Variants in ZDHHC17 observed in about 807,000 individuals in gnomAD.
ZDHHC17 encodes zDHHC palmitoyltransferase 17.
Under a neutral mutation model 90.3 loss-of-function variants are expected in ZDHHC17, and 40 were observed. The ratio of observed to expected loss-of-function variants is 0.44; its 90% CI spans 0.34 to 0.58. The LOEUF is 0.58. Ranked by LOEUF, ZDHHC17 falls within the 20% of genes least tolerant of loss-of-function variation. ZDHHC17 has a pLI of 0.01. For synonymous variants in ZDHHC17, 235 were observed against 252.4 expected, an observed-to-expected ratio of 0.93 and a Z score of 0.65; for missense variants, 614 against 780.8, an observed-to-expected ratio of 0.79 and a Z score of 2.55.
At chr12:76,850,760 T>C (rs1177167968) in intron 16 of ZDHHC17, 87 bp from the exon 17 acceptor site, 1 of 1,505,142 alleles carries the variant, frequency 6.6e-7, no homozygotes, top group African/African-American at 1.4e-5. Flanking sequence ...TAGAAAAAAA[T>C]ATATTTAACA....
chr12:76,781,195 G>A lies in ZDHHC17; in HGVS notation c.94-16239G>A, dbSNP rs191797258. On this transcript the variant is annotated intron_variant, in intron 1 of 16. Coordinates refer to ENST00000426126, the MANE Select transcript of ZDHHC17 (RefSeq NM_015336.4). ...TATAGTGAAAGAGAACTCACACATT[G>A]CTAGTGAGAGCATAAATTGTTACTA... Among the ~76,000 whole-genome samples the A allele has an allele frequency of 3.5e-3, 527 of 150,732 alleles. 17 individuals are homozygous for A. The highest frequency in any genetic ancestry group is 0.032 in the Admixed American group (489 of 15,140).
At chr12:76,781,133 CAAAAAA>C (rs33935444) in intron 1 of ZDHHC17, among the ~76,000 whole-genome samples, 1 of 92,390 alleles carries the variant, frequency 1.1e-5, no homozygotes, top group Admixed American at 1.3e-4. Flanking sequence ...GACTCCGTCT[CAAAAAA>C]AAAAAAAAAA....
intron 3 of ZDHHC17, among the ~76,000 whole-genome samples, chr12:76,806,139 A>G (rs1159297834): frequency 6.6e-6 from 1 of 152,164 alleles, no homozygotes; most frequent in East Asian, 1.9e-4. Context: ...TCTCTCACTC[A>G]GGTTGGAGTG....
rs765982279 is a variant in ZDHHC17 at position 76,809,026 on chromosome 12, T to C, written c.321-17T>C. The C allele has an allele frequency of 1.3e-5, 18 of 1,433,150 alleles. No individual in the cohort carries two copies. In the East Asian group the frequency reaches 2.4e-4, roughly 19 times the overall value. 88.8% of individuals were successfully genotyped at this position (1,433,150 alleles called of 1,614,324 possible). Reference sequence around the variant, plus strand: ...AAAATGAAAGTTATTTAAATTATTATAAATTTTGTCTTATAGATACTATAT... The same window carrying C: ...AAAATGAAAGTTATTTAAATTATTACAAATTTTGTCTTATAGATACTATAT... On this transcript the variant is annotated splice_polypyrimidine_tract_variant and intron_variant, in intron 3 of 16. Transcript: ENST00000426126.
Position 76,764,180 on chromosome 12 carries a change from C to T in ZDHHC17, c.-57C>T. 4.3e-6 allele frequency: 6 copies of T among 1,406,616 alleles called. No individual in the cohort carries two copies. The South Asian group carries it at 4.3e-5, about 10-fold the overall frequency. The allele number at this position is 1,406,616 out of a possible 1,614,324, so 87.1% of individuals were successfully genotyped here. On this transcript the variant is annotated 5_prime_UTR_variant, in exon 1 of 17. Coordinates refer to ENST00000426126, the MANE Select transcript of ZDHHC17 (RefSeq NM_015336.4). ...GCCTCCGGCGGGGCTCGCGCTCGCC[C>T]CGCGCTCGCCCTCCGCCTCGCCCGA... is the stretch of plus-strand genomic sequence containing the variant.
At chr12:76,778,234 G>T (rs779297294) in intron 1 of ZDHHC17, among the ~76,000 whole-genome samples, 2 of 151,982 alleles carry the variant, frequency 1.3e-5, no homozygotes. Context: ...TTTTGAGATG[G>T]AGTCTCGCTC....
chr12:76,816,587 T>C (rs1953090162), intron 7 of ZDHHC17, among the ~76,000 whole-genome samples: 1 of 151,976 alleles, frequency 6.6e-6, no homozygotes, highest in Non-Finnish European at 1.5e-5. Flanking sequence ...TTCTGTGTTA[T>C]GTTTCTTAAA....
At chr12:76,846,532 C>A in intron 13 of ZDHHC17, 64 bp from the exon 14 acceptor site, 1 of 1,231,530 alleles carries the variant, frequency 8.1e-7, no homozygotes, top group Non-Finnish European at 1.2e-6. Flanking sequence ...GCATACCCCT[C>A]AAAGGTGCAT....
intron 12 of ZDHHC17, among the ~76,000 whole-genome samples, 185 bp downstream of exon 12, chr12:76,843,166 G>A (rs1371170943): frequency 1.3e-5 from 2 of 152,042 alleles, no homozygotes; most frequent in African/African-American, 4.8e-5. Context: ...TCGATGGTAG[G>A]CCTTGACTGT....
intron 5 of ZDHHC17, among the ~76,000 whole-genome samples, chr12:76,811,009 T>C (rs1401829663): frequency 6.6e-6 from 1 of 152,206 alleles, no homozygotes; most frequent in Non-Finnish European, 1.5e-5. Flanking sequence ...ATGTGGTCTT[T>C]CCAGCAGGAG....
intron 8 of ZDHHC17, among the ~76,000 whole-genome samples, chr12:76,824,366 T>A (rs1198148426): frequency 2.0e-5 from 3 of 152,046 alleles, no homozygotes; most frequent in African/African-American, 4.8e-5. Flanking sequence ...CTATGATGAT[T>A]GGGAGAGTGA....
chr12:76,830,046 A>G (rs1184131742), intron 10 of ZDHHC17, among the ~76,000 whole-genome samples: 1 of 143,744 alleles, frequency 7.0e-6, no homozygotes, highest in East Asian at 2.1e-4. Flanking sequence ...CTGTGTGCCA[A>G]TAAAGACAGC....
intron 3 of ZDHHC17, among the ~76,000 whole-genome samples, chr12:76,806,622 G>T (rs1341116031): frequency 6.6e-6 from 1 of 152,010 alleles, no homozygotes; most frequent in Admixed American, 6.6e-5. Context: ...TGATCCACCC[G>T]CCTCGGCTTC....
chr12:76,820,969 A>C, intron 7 of ZDHHC17: 1 of 771,666 alleles, frequency 1.3e-6, no homozygotes, highest in Non-Finnish European at 1.9e-6. Flanking sequence ...TTATTTTACC[A>C]GCTGAATAAA....
intron 8 of ZDHHC17, among the ~76,000 whole-genome samples, chr12:76,824,164 TG>T (rs1426989797): frequency 2.0e-5 from 3 of 152,194 alleles, no homozygotes; most frequent in African/African-American, 4.8e-5. Flanking sequence ...AAGTTACTTA[TG>T]GCATTATTAA....
intron 9 of ZDHHC17, 21 bp downstream of exon 9, chr12:76,827,071 T>C (rs751278954): frequency 1.3e-6 from 2 of 1,544,900 alleles, no homozygotes; most frequent in South Asian, 2.6e-5. Context: ...TGTTTTTAAC[T>C]ATATTTTAAA....
At position 76,846,097 on chromosome 12, in the gene ZDHHC17, A is replaced by G. The variant is rs190073423; in HGVS notation, c.1423+295A>G. ...GATGAAGGCGGTAATATTTGAAATG[A>G]TATTATGTGCAGAGGTAGAGAGGAA... is the stretch of plus-strand genomic sequence containing the variant. On this transcript the variant is annotated intron_variant, in intron 13 of 16. Transcript: ENST00000426126. Among the ~76,000 whole-genome samples, 8 of 152,136 alleles carry G rather than the reference A, an allele frequency of 5.3e-5. No individual in the cohort carries two copies. The East Asian group carries it at 1.3e-3, about 26-fold the overall frequency.
intron 1 of ZDHHC17, among the ~76,000 whole-genome samples, chr12:76,772,284 T>G (rs1592456311): frequency 6.6e-6 from 1 of 152,156 alleles, no homozygotes; most frequent in African/African-American, 2.4e-5. Flanking sequence ...TGTTTTTGAA[T>G]TTTTTGAACA....
In ZDHHC17 at chr12:76,851,571, T is replaced by C. The variant is rs1953568525; in HGVS notation, c.*586T>C. The C allele has an allele frequency of 6.5e-6, 1 of 152,808 alleles. No homozygotes were observed. Among genetic ancestry groups the C allele is most frequent in the South Asian group, 2.1e-4 (1 of 4,840 alleles). 9.5% of individuals were successfully genotyped at this position (152,808 alleles called of 1,614,324 possible). ...AATAAAATGTGCTAACAATGTTTTG[T>C]TTCTATCAGCTGTTGCAATGCTGAT... On this transcript the variant is annotated 3_prime_UTR_variant, in exon 17 of 17. Coordinates refer to ENST00000426126, the MANE Select transcript of ZDHHC17 (RefSeq NM_015336.4).
Sources: gnomAD v4.1 joint callset for allele counts (sites outside exome capture counted in the v4.1 genomes callset) on GRCh38, gnomAD v4.1.1 for gene constraint, MANE v1.5 for transcripts, NCBI Gene and HGNC (gene_info 2026-07-23, HGNC 2026-07-21) for gene names.